The following SNTG1 variants were observed in gnomAD, a reference collection of about 807,000 sequenced individuals.
The protein encoded by SNTG1 is gamma-1-syntrophin.
Under a neutral mutation model 74.7 loss-of-function variants are expected in SNTG1, and 39 were observed. The ratio of observed to expected loss-of-function variants is 0.52; its 90% CI spans 0.40 to 0.68. The LOEUF (loss-of-function observed/expected upper bound fraction) is 0.68. Among genes scored for constraint, SNTG1 ranks in the 30% least tolerant of loss-of-function variants. The pLI is 0.00. For missense variants in SNTG1, 685 were observed against 609.5 expected (o/e 1.12, Z -1.30); for synonymous variants, 254 against 217.1 (o/e 1.17, Z -1.49).
At position 50,122,125 on chromosome 8, in the gene SNTG1, T is replaced by A. The variant is rs936790808; in HGVS notation, c.-102-50436T>A. ...CCCCCAGTGTCCTCTGCCATACAGATACACACACACCTTGTAAGTTGTGCC... is the reference window on the plus strand; with the variant it reads ...CCCCCAGTGTCCTCTGCCATACAGAAACACACACACCTTGTAAGTTGTGCC... On this transcript the variant is annotated intron_variant, in intron 1 of 18. Transcript: ENST00000642720. Among the ~76,000 whole-genome samples, 14 of 140,378 alleles carry A rather than the reference T, an allele frequency of 1.0e-4. 1 individual carries two copies. Among genetic ancestry groups the A allele is most frequent in the African/African-American group, 3.4e-4 (13 of 38,238 alleles). The allele number at this position is 140,378 out of a possible 152,430, so 92.1% of individuals were successfully genotyped here. A position where few individuals can be genotyped will look rare whatever the true frequency, so the allele number is the denominator to read the frequency against.
At chr8:50,147,955 C>A (rs563186970) in intron 1 of SNTG1, among the ~76,000 whole-genome samples, 1 of 152,064 alleles carries the variant, frequency 6.6e-6, no homozygotes, top group South Asian at 2.1e-4. Context: ...AAGCATAATG[C>A]ATATTATAAT....
intron 1 of SNTG1, among the ~76,000 whole-genome samples, chr8:49,950,075 T>C (rs1401913928): frequency 6.6e-6 from 1 of 152,126 alleles, no homozygotes; most frequent in Non-Finnish European, 1.5e-5. Flanking sequence ...TTCAGTGAGC[T>C]GAGATCATGC....
chr8:50,553,207 C>A, intron 12 of SNTG1, 28 bp downstream of exon 12: 1 of 1,612,816 alleles, frequency 6.2e-7, no homozygotes. Context: ...GAATACCTAG[C>A]CAGGGTTTCT....
intron 1 of SNTG1, among the ~76,000 whole-genome samples, chr8:49,965,520 G>A (rs538603080): frequency 1.3e-5 from 2 of 152,234 alleles, no homozygotes; most frequent in African/African-American, 2.4e-5. Flanking sequence ...GCTTATGAGT[G>A]GAAGCTCAAG....
chr8:50,440,949 G>T (rs76191047), intron 5 of SNTG1, among the ~76,000 whole-genome samples: 3,802 of 152,270 alleles, frequency 0.025, 64 homozygotes, highest in South Asian at 0.08. Context: ...TTTTTAGACA[G>T]AATTCAGTCA....
intron 1 of SNTG1, among the ~76,000 whole-genome samples, chr8:50,036,532 T>C (rs555131146): frequency 2.0e-5 from 3 of 152,280 alleles, no homozygotes; most frequent in Admixed American, 1.3e-4. Context: ...CACTCTATCA[T>C]CCCAGCTGTT....
At chr8:50,491,619 C>G (rs894343900) in intron 8 of SNTG1, among the ~76,000 whole-genome samples, 1 of 152,212 alleles carries the variant, frequency 6.6e-6, no homozygotes, top group Non-Finnish European at 1.5e-5. Context: ...CGTGGAAGGA[C>G]GCGGGCTGAG....
chr8:49,997,146 T>C (rs937865136), intron 1 of SNTG1, among the ~76,000 whole-genome samples: 8 of 152,118 alleles, frequency 5.3e-5, no homozygotes, highest in Non-Finnish European at 1.0e-4. Flanking sequence ...CTGTTCTCTG[T>C]CTAAATGAAC....
At chr8:50,118,095 T>C (rs2080883564) in intron 1 of SNTG1, among the ~76,000 whole-genome samples, 1 of 152,184 alleles carries the variant, frequency 6.6e-6, no homozygotes, top group Non-Finnish European at 1.5e-5. Context: ...ACAATCTATT[T>C]GATAATAAAA....
chr8:49,994,620 A>C (rs528153500), intron 1 of SNTG1, among the ~76,000 whole-genome samples: 20 of 152,126 alleles, frequency 1.3e-4, no homozygotes, highest in African/African-American at 3.1e-4. Flanking sequence ...GAATTGTAGT[A>C]ACCCAAGAAA....
intron 8 of SNTG1, among the ~76,000 whole-genome samples, chr8:50,488,727 C>T (rs539668158): frequency 6.6e-6 from 1 of 152,178 alleles, no homozygotes; most frequent in South Asian, 2.1e-4. Context: ...CAGCATGACA[C>T]TTGGCCCATA....
At chr8:50,731,005 A>C (rs754698338) in intron 17 of SNTG1, among the ~76,000 whole-genome samples, 5 of 152,236 alleles carry the variant, frequency 3.3e-5, no homozygotes, top group African/African-American at 7.2e-5. Flanking sequence ...TCTAATTTAC[A>C]GTAAAATATG....
At chr8:50,199,581 G>A (rs2083908892) in intron 2 of SNTG1, among the ~76,000 whole-genome samples, 1 of 152,102 alleles carries the variant, frequency 6.6e-6, no homozygotes, top group African/African-American at 2.4e-5. Context: ...GCCCAAAATT[G>A]TGTTGAAGCA....
intron 2 of SNTG1, among the ~76,000 whole-genome samples, chr8:50,374,369 C>CTA (rs1329679679): frequency 6.6e-6 from 1 of 152,198 alleles, no homozygotes; most frequent in Non-Finnish European, 1.5e-5. Flanking sequence ...TTTAATAAAA[C>CTA]TATATAGGCA....
chr8:50,410,474 A>T (rs1365224453), intron 4 of SNTG1, among the ~76,000 whole-genome samples: 1 of 152,204 alleles, frequency 6.6e-6, no homozygotes, highest in East Asian at 1.9e-4. Flanking sequence ...TTATTTAAAA[A>T]TATTGAATTT....
chr8:50,028,928 A>G (rs1465645795), intron 1 of SNTG1, among the ~76,000 whole-genome samples: 1 of 152,148 alleles, frequency 6.6e-6, no homozygotes, highest in Non-Finnish European at 1.5e-5. Context: ...TATTCTCTTC[A>G]TAAAATGTCA....
intron 2 of SNTG1, among the ~76,000 whole-genome samples, chr8:50,292,813 G>A (rs1335804306): frequency 6.6e-6 from 1 of 152,140 alleles, no homozygotes; most frequent in Non-Finnish European, 1.5e-5. Flanking sequence ...ATAACCTACA[G>A]GTGGCATTTA....
At chr8:49,962,410 G>A (rs548694530) in intron 1 of SNTG1, among the ~76,000 whole-genome samples, 4 of 151,900 alleles carry the variant, frequency 2.6e-5, no homozygotes, top group Admixed American at 1.3e-4. Flanking sequence ...GCAGACACAT[G>A]TAATGGGCAG....
intron 16 of SNTG1, 24 bp downstream of exon 16, chr8:50,704,776 A>G (rs1397851177): frequency 6.2e-7 from 1 of 1,613,106 alleles, no homozygotes; most frequent in South Asian, 1.1e-5. Context: ...GGACTGCAGG[A>G]TGTGTGGCTC....
Sources: gnomAD v4.1 joint callset for allele counts (sites outside exome capture counted in the v4.1 genomes callset) on GRCh38, gnomAD v4.1.1 for gene constraint, MANE v1.5 for transcripts, NCBI Gene and HGNC (gene_info 2026-07-23, HGNC 2026-07-21) for gene names.